Variants in OSMR observed in about 807,000 individuals in gnomAD.
OSMR encodes the protein oncostatin-M-specific receptor subunit beta.
Under a neutral mutation model 99.9 loss-of-function variants are expected in OSMR, and 81 were observed. That is an observed-to-expected ratio of 0.81 (90% CI 0.68 to 0.97). OSMR has a LOEUF of 0.97. Ranked by LOEUF, OSMR falls within the 50% of genes least tolerant of loss-of-function variation. OSMR has a pLI of 0.00. For synonymous variants in OSMR, 406 were observed against 410.4 expected, an observed-to-expected ratio of 0.99 and a Z score of 0.13; for missense variants, 1,099 against 1,153.4, an observed-to-expected ratio of 0.95 and a Z score of 0.68.
chr5:38,887,694 A>T (rs556514001), intron 7 of OSMR, among the ~76,000 whole-genome samples: 1 of 152,188 alleles, frequency 6.6e-6, no homozygotes, highest in Non-Finnish European at 1.5e-5. Context: ...TGTAAAACTG[A>T]TAATTAATTT....
At chr5:38,927,121 AC>A (rs1746508303) in intron 15 of OSMR, among the ~76,000 whole-genome samples, 1 of 152,162 alleles carries the variant, frequency 6.6e-6, no homozygotes, top group African/African-American at 2.4e-5. Context: ...GGACAGTTCC[AC>A]CCCTGTGGCT....
At chr5:38,884,763 AC>A (rs1743574659) in intron 5 of OSMR, among the ~76,000 whole-genome samples, 1 of 152,132 alleles carries the variant, frequency 6.6e-6, no homozygotes, top group African/African-American at 2.4e-5. Flanking sequence ...TGTGTGCACA[AC>A]TAGTGGCCTC....
intron 1 of OSMR, among the ~76,000 whole-genome samples, chr5:38,855,682 G>A (rs2112075360): frequency 1.3e-5 from 2 of 151,704 alleles, no homozygotes; most frequent in South Asian, 4.2e-4. Flanking sequence ...CTGGACCATT[G>A]CACTAACCCC....
intron 9 of OSMR, among the ~76,000 whole-genome samples, chr5:38,914,634 A>G (rs1356391559): frequency 2.0e-5 from 3 of 152,216 alleles, no homozygotes; most frequent in Non-Finnish European, 4.4e-5. Context: ...CAAAGAAAAT[A>G]TGGTACATAT....
chr5:38,883,213 G>A (rs1399642401), intron 4 of OSMR, among the ~76,000 whole-genome samples: 1 of 152,204 alleles, frequency 6.6e-6, no homozygotes, highest in Non-Finnish European at 1.5e-5. Flanking sequence ...TACTCAGGAG[G>A]CTGAGGCACA....
chr5:38,902,376 G>T (rs1481465394), intron 7 of OSMR, among the ~76,000 whole-genome samples: 2 of 152,152 alleles, frequency 1.3e-5, no homozygotes, highest in African/African-American at 4.8e-5. Flanking sequence ...AGGAACCATG[G>T]TCTCTGGCAC....
chr5:38,917,486 T>C, intron 9 of OSMR, 60 bp from the exon 10 acceptor site: 1 of 1,600,728 alleles, frequency 6.2e-7, no homozygotes, highest in South Asian at 1.1e-5. Flanking sequence ...TAGAAAAAGG[T>C]TGAGCATATT....
intron 1 of OSMR, among the ~76,000 whole-genome samples, chr5:38,862,677 CGAT>C (rs1431600780): frequency 6.7e-6 from 1 of 148,664 alleles, no homozygotes; most frequent in Admixed American, 6.7e-5. Context: ...ACATCTCAGA[CGAT>C]GGGCTGCCGG....
chr5:38,921,970 C>T (rs978416034), intron 12 of OSMR, among the ~76,000 whole-genome samples, 176 bp downstream of exon 12: 1 of 152,110 alleles, frequency 6.6e-6, no homozygotes. Flanking sequence ...AAAACTTGAC[C>T]TTTAAATCTA....
At chr5:38,879,171 G>A (rs1185282862) in intron 3 of OSMR, among the ~76,000 whole-genome samples, 8 of 152,246 alleles carry the variant, frequency 5.3e-5, no homozygotes, top group African/African-American at 1.9e-4. Flanking sequence ...TTAGCAAGTA[G>A]AGTAGAAAAG....
At chr5:38,886,890 A>G (rs1743815313) in intron 7 of OSMR, among the ~76,000 whole-genome samples, 1 of 152,196 alleles carries the variant, frequency 6.6e-6, no homozygotes, top group South Asian at 2.1e-4. Context: ...AATATGTTCA[A>G]CTTACAGGAT....
chr5:38,899,237 G>A (rs922906359), intron 7 of OSMR, among the ~76,000 whole-genome samples: 1 of 152,098 alleles, frequency 6.6e-6, no homozygotes, highest in African/African-American at 2.4e-5. Context: ...AGGATTACAG[G>A]TGTGAGCCAC....
chr5:38,846,857 C>A (rs1032152451), intron 1 of OSMR, among the ~76,000 whole-genome samples: 1 of 152,222 alleles, frequency 6.6e-6, no homozygotes, highest in Non-Finnish European at 1.5e-5. Flanking sequence ...TGTGAGGGCA[C>A]TGAAATCCGA....
At chr5:38,885,987 G>A in intron 6 of OSMR, 52 bp from the exon 7 acceptor site, 1 of 1,604,550 alleles carries the variant, frequency 6.2e-7, no homozygotes, top group Admixed American at 1.7e-5. Context: ...CATTTGCTTT[G>A]ACAAAAGTAA....
At chr5:38,869,154 G>A (rs774270042) in intron 2 of OSMR, 37 bp downstream of exon 2, 26 of 1,437,776 alleles carry the variant, frequency 1.8e-5, no homozygotes, top group African/African-American at 8.4e-5. Context: ...CAAAAATCAC[G>A]TCGGGAACAA....
intron 1 of OSMR, among the ~76,000 whole-genome samples, chr5:38,847,356 GT>G (rs1739932282): frequency 6.6e-6 from 1 of 152,100 alleles, no homozygotes; most frequent in Admixed American, 6.5e-5. Context: ...GCGGGTACTA[GT>G]TTTTTATTAT....
downstream of OSMR, among the ~76,000 whole-genome samples, chr5:38,937,690 C>T (rs1198055108): frequency 2.0e-5 from 3 of 152,018 alleles, no homozygotes; most frequent in South Asian, 6.2e-4. The surrounding 1 kb of genome is among the most constrained non-coding windows in gnomAD (Gnocchi z 4.0). Flanking sequence ...AAAGACTGAC[C>T]CATTTTCCAA....
At chr5:38,897,503 T>C (rs979852263) in intron 7 of OSMR, among the ~76,000 whole-genome samples, 10 of 152,050 alleles carry the variant, frequency 6.6e-5, no homozygotes, top group African/African-American at 2.4e-4. Flanking sequence ...TCTCCCTTTT[T>C]ATCTTTGATT....
chr5:38,901,761 G>T (rs1170119329), intron 7 of OSMR, among the ~76,000 whole-genome samples: 2 of 152,180 alleles, frequency 1.3e-5, no homozygotes, highest in Non-Finnish European at 2.9e-5. Flanking sequence ...TAAAAGCAGT[G>T]CCTGGACCAC....
Sources: allele counts gnomAD v4.1 joint callset (sites outside exome capture counted in the v4.1 genomes callset), GRCh38; gene constraint gnomAD v4.1.1; non-coding constraint Gnocchi (gnomAD v3.1); transcripts MANE v1.5; gene names NCBI Gene and HGNC (gene_info 2026-07-23, HGNC 2026-07-21).